The following RUVBL1 variants were observed in gnomAD, a reference collection of about 807,000 sequenced individuals.
The protein encoded by RUVBL1 is ruvB-like 1.
Under a neutral mutation model 52.4 loss-of-function variants are expected in RUVBL1, and 4 were observed. That is an observed-to-expected ratio of 0.08 (90% CI 0.04 to 0.17). The LOEUF (loss-of-function observed/expected upper bound fraction) is 0.17, where lower values mean the gene tolerates loss of function less well. Ranked by LOEUF, RUVBL1 falls within the 10% of genes least tolerant of loss-of-function variation. The pLI, the probability that RUVBL1 is intolerant of heterozygous loss-of-function variation, is 1.00. For synonymous variants in RUVBL1, 217 were observed against 214.4 expected (o/e 1.01, Z -0.10); for missense variants, 298 against 572.8 (o/e 0.52, Z 4.90).
chr3:128,099,129 C>A (rs969145426), intron 6 of RUVBL1, among the ~76,000 whole-genome samples, 184 bp from the exon 7 acceptor site: 2 of 152,170 alleles, frequency 1.3e-5, no homozygotes, highest in Non-Finnish European at 2.9e-5. Flanking sequence ...AAGAATCAAA[C>A]AAAATCCTTT....
intron 3 of RUVBL1, among the ~76,000 whole-genome samples, chr3:128,107,833 A>G (rs1447934776): frequency 6.6e-6 from 1 of 152,238 alleles, no homozygotes; most frequent in Non-Finnish European, 1.5e-5. Context: ...TTTAAAATCA[A>G]ACCTTTTATA....
In RUVBL1 at chr3:128,081,716, A is replaced by T. The variant is rs1225974771; in HGVS notation, c.1212-307T>A. 8 of 334,552 alleles carry T rather than the reference A, an allele frequency of 2.4e-5. No individual in the cohort carries two copies. Among genetic ancestry groups the T allele is most frequent in the African/African-American group, 4.1e-5 (2 of 48,716 alleles). The allele number at this position is 334,552 out of a possible 1,614,324, so 20.7% of individuals were successfully genotyped here. ...GCTACTGGAAAAGGACTGCAAACTT[A>T]TATGTATACAGGTGTCCGACAGATA... On this transcript the variant is annotated intron_variant, in intron 10 of 10. Transcript: ENST00000322623. The surrounding 1 kb of genome is among the most constrained non-coding windows in gnomAD (Gnocchi z 4.8).
At chr3:128,072,805 T>C (rs971771096) in intron 9 of RUVBL1, among the ~76,000 whole-genome samples, 1 of 152,174 alleles carries the variant, frequency 6.6e-6, no homozygotes, top group South Asian at 2.1e-4. Flanking sequence ...CCCTCTTGCC[T>C]GAGAGCAAAC....
chr3:128,110,860 T>C (rs1006605175), intron 3 of RUVBL1, among the ~76,000 whole-genome samples: 25 of 152,094 alleles, frequency 1.6e-4, no homozygotes, highest in African/African-American at 5.6e-4. Flanking sequence ...CCAAACAACA[T>C]ATGTCTATAG....
At chr3:128,153,907 G>C in exon 1 of RUVBL1, 1 of 1,417,438 alleles carries the variant, frequency 7.1e-7, no homozygotes, top group South Asian at 1.5e-5. Context: ...TCGAGCCTTT[G>C]CCGGGACGGG....
downstream of RUVBL1, among the ~76,000 whole-genome samples, chr3:128,076,825 G>T (rs1162624577): frequency 2.0e-5 from 3 of 152,084 alleles, no homozygotes; most frequent in East Asian, 5.8e-4. This position sits in a 1 kb window ranked among gnomAD's most constrained non-coding sequence, Gnocchi z 6.8. Flanking sequence ...AGCGTGCCGT[G>T]TGCGGCGTCC....
At chr3:128,064,816 G>A in exon 10 of RUVBL1, 2 of 1,448,442 alleles carry the variant, frequency 1.4e-6, no homozygotes, top group Non-Finnish European at 1.9e-6. Flanking sequence ...TGCTAAGAAG[G>A]CTAGAAGCAA....
chr3:128,121,707 T>A (rs1943653088), intron 1 of RUVBL1, among the ~76,000 whole-genome samples: 2 of 44,846 alleles, frequency 4.5e-5, no homozygotes, highest in South Asian at 1.1e-3. Context: ...CAAAACTTCG[T>A]CTCAAAAAAA....
chr3:128,144,194 T>C (rs911396276), intron 1 of RUVBL1, among the ~76,000 whole-genome samples: 5 of 152,070 alleles, frequency 3.3e-5, no homozygotes, highest in African/African-American at 1.2e-4. Flanking sequence ...ACTGGCGAGG[T>C]AGATACCCTC....
Position 128,097,510 on chromosome 3 carries a change from A to G in RUVBL1, c.818-12T>C. On this transcript the variant is annotated splice_polypyrimidine_tract_variant and intron_variant, in intron 7 of 10. Coordinates refer to ENST00000322623, the MANE Select transcript of RUVBL1 (RefSeq NM_003707.3). ...CCCTCGAAGTTTGTCTAGGAGATGC[A>G]AGGATGGGCAGGCAAGGTCAGCACA... 1 of 1,613,728 alleles carries G rather than the reference A, an allele frequency of 6.2e-7. No homozygotes were observed. Among genetic ancestry groups the G allele is most frequent in the African/African-American group, 1.3e-5 (1 of 75,034 alleles).
At chr3:128,092,853 G>C (rs1211029606) in intron 8 of RUVBL1, among the ~76,000 whole-genome samples, 1 of 152,050 alleles carries the variant, frequency 6.6e-6, no homozygotes, top group African/African-American at 2.4e-5. Context: ...GTACATAACC[G>C]AAAGAAATAA....
intron 2 of RUVBL1, among the ~76,000 whole-genome samples, chr3:128,117,558 A>G (rs772325066): frequency 3.3e-5 from 5 of 152,204 alleles, no homozygotes; most frequent in African/African-American, 7.2e-5. Flanking sequence ...CCAGAAGGAA[A>G]GAACAAAGAG....
Position 128,081,517 on chromosome 3 carries a change from G to T in RUVBL1, c.1212-108C>A. On this transcript the variant is annotated intron_variant, in intron 10 of 10. Coordinates refer to ENST00000322623, the MANE Select transcript of RUVBL1 (RefSeq NM_003707.3). The surrounding 1 kb of genome is among the most constrained non-coding windows in gnomAD (Gnocchi z 4.8). ...GGCACCAGGAGCAGAGCCCAGTGCT[G>T]GGCTTGTGCCAGCTGCTACGAACAC... 8.5e-7 allele frequency: 1 copy of T among 1,178,880 alleles called. No homozygotes were observed. Among genetic ancestry groups the T allele is most frequent in the East Asian group, 2.5e-5 (1 of 40,292 alleles). The allele number at this position is 1,178,880 out of a possible 1,614,324, so 73.0% of individuals were successfully genotyped here.
At chr3:128,120,712 A>T (rs539023463) in intron 1 of RUVBL1, among the ~76,000 whole-genome samples, 1 of 152,290 alleles carries the variant, frequency 6.6e-6, no homozygotes, top group South Asian at 2.1e-4. Flanking sequence ...ACTGTGAAGT[A>T]CCTTGGTCCC....
chr3:128,131,537 A>C (rs1320447023), intron 1 of RUVBL1, among the ~76,000 whole-genome samples: 1 of 152,136 alleles, frequency 6.6e-6, no homozygotes, highest in African/African-American at 2.4e-5. Context: ...CAACAACAAA[A>C]AAAAACAGAT....
intron 3 of RUVBL1, among the ~76,000 whole-genome samples, chr3:128,108,989 T>G (rs1943312186): frequency 6.6e-6 from 1 of 152,068 alleles, no homozygotes; most frequent in Non-Finnish European, 1.5e-5. Flanking sequence ...TAGATAAACT[T>G]TAAAAAGGGC....
downstream of RUVBL1, among the ~76,000 whole-genome samples, chr3:128,077,940 T>C (rs1942378084): frequency 6.6e-6 from 1 of 152,200 alleles, no homozygotes; most frequent in Admixed American, 6.5e-5. Context: ...AGTCCTCACA[T>C]GGGTCTATGG....
intron 9 of RUVBL1, among the ~76,000 whole-genome samples, chr3:128,069,321 G>A (rs1181386373): frequency 1.3e-5 from 2 of 152,326 alleles, no homozygotes; most frequent in East Asian, 1.9e-4. Context: ...CAGCGCCTTG[G>A]CCTAGAGCGC....
In RUVBL1 at chr3:128,112,922, T is replaced by C. The variant is rs1234376507; in HGVS notation, c.327A>G (p.Thr109=). ...SEVYSTEIKK[T]EVLMENFRRA... ...TGCGGAAGTTCTCCATCAGCACCTCTGTCTTCTTGATCTCAGTTGAGTAAA... is the reference window on the plus strand; with the variant it reads ...TGCGGAAGTTCTCCATCAGCACCTCCGTCTTCTTGATCTCAGTTGAGTAAA... The change falls in exon 3 of 11, where the codon ACA becomes ACG. Residue 109 remains threonine (T), a synonymous_variant. Coordinates refer to ENST00000322623, the MANE Select transcript of RUVBL1 (RefSeq NM_003707.3). 3 of 1,614,122 alleles carry C rather than the reference T, an allele frequency of 1.9e-6. No homozygotes were observed. Among genetic ancestry groups the C allele is most frequent in the Non-Finnish European group, 2.5e-6 (3 of 1,180,028 alleles).
Sources: gnomAD v4.1 joint callset for allele counts (sites outside exome capture counted in the v4.1 genomes callset) on GRCh38, gnomAD v4.1.1 for gene constraint, Gnocchi (gnomAD v3.1) non-coding constraint, MANE v1.5 for transcripts, NCBI Gene and HGNC (gene_info 2026-07-23, HGNC 2026-07-21) for gene names.